PHC3: variants seen among roughly 807,000 people sequenced by gnomAD.
PHC3 encodes the protein polyhomeotic-like protein 3.
A neutral mutation model predicts 107.4 loss-of-function variants in PHC3; 13 were observed. That is an observed-to-expected ratio of 0.12 (90% confidence interval 0.08 to 0.19). The LOEUF (loss-of-function observed/expected upper bound fraction) is 0.19, where lower values mean the gene tolerates loss of function less well. PHC3 is among the 10% of genes least tolerant of loss of function. The pLI, the probability that PHC3 is intolerant of heterozygous loss-of-function variation, is 1.00. For synonymous variants in PHC3, 456 were observed against 427.4 expected, an observed-to-expected ratio of 1.07 and a Z score of -0.83; for missense variants, 992 against 1,210.9, an observed-to-expected ratio of 0.82 and a Z score of 2.68.
At chr3:170,135,771 AT>A (rs993150158) in intron 7 of PHC3, among the ~76,000 whole-genome samples, 21 of 152,330 alleles carry the variant, frequency 1.4e-4, no homozygotes, top group African/African-American at 4.3e-4. Flanking sequence ...ACAAAATTCA[AT>A]CCTGAGAAAT....
intron 4 of PHC3, among the ~76,000 whole-genome samples, chr3:170,156,548 G>A (rs1349378964): frequency 2.1e-5 from 3 of 144,572 alleles, no homozygotes; most frequent in Non-Finnish European, 4.6e-5. Flanking sequence ...CATCGCACCC[G>A]GACTTTTAAG....
At chr3:170,167,224 C>T (rs927321565) in intron 4 of PHC3, among the ~76,000 whole-genome samples, 2 of 152,134 alleles carry the variant, frequency 1.3e-5, no homozygotes, top group African/African-American at 4.8e-5. Context: ...TCTCAGCTCA[C>T]GGCAGCCTTG....
chr3:170,138,641 G>C (rs1015196072), intron 6 of PHC3, among the ~76,000 whole-genome samples: 4 of 132,908 alleles, frequency 3.0e-5, no homozygotes, highest in Admixed American at 8.9e-5. Context: ...AGTGAGCTGA[G>C]ATCACACCAC....
chr3:170,152,944 G>T (rs967808256), intron 4 of PHC3, among the ~76,000 whole-genome samples: 1 of 152,152 alleles, frequency 6.6e-6, no homozygotes, highest in Non-Finnish European at 1.5e-5. Flanking sequence ...TTACCAGCAT[G>T]AGCCATCGCA....
At chr3:170,126,452 G>A (rs1032536585) in intron 8 of PHC3, among the ~76,000 whole-genome samples, 2 of 146,692 alleles carry the variant, frequency 1.4e-5, no homozygotes, top group African/African-American at 5.0e-5. Flanking sequence ...TAGAAGTGCA[G>A]GAAGCAACAA....
At chr3:170,136,281 A>G (rs1333903830) in intron 7 of PHC3, 138 bp downstream of exon 7, 1 of 1,016,528 alleles carries the variant, frequency 9.8e-7, no homozygotes. Context: ...GCTACACATT[A>G]AGATTAAGTT....
Position 170,149,195 on chromosome 3 carries a change from TGGGAAC to T in PHC3, c.458_463del (p.Arg153_Ser154del), listed in dbSNP as rs1406642696. On this transcript the variant is annotated inframe_deletion, in exon 5 of 15. Transcript: ENST00000495893. ...ACTGCCGCTGGTAGAACTGGAAGCC[TGGGAAC>T]GGCTTATTAACTGTGCAGGTGTAGG... is the stretch of plus-strand genomic sequence containing the variant. The T allele has an allele frequency of 6.2e-7, 1 of 1,613,048 alleles. No homozygotes were observed. The highest frequency in any genetic ancestry group is 8.5e-7 in the Non-Finnish European group (1 of 1,179,800).
intron 4 of PHC3, among the ~76,000 whole-genome samples, chr3:170,158,565 T>G (rs1204116442): frequency 6.6e-6 from 1 of 150,920 alleles, no homozygotes; most frequent in East Asian, 1.9e-4. Context: ...ACCACACCAC[T>G]GCACTCAAGC....
intron 6 of PHC3, among the ~76,000 whole-genome samples, chr3:170,138,983 C>T (rs1354854513): frequency 6.6e-6 from 1 of 151,452 alleles, no homozygotes; most frequent in Non-Finnish European, 1.5e-5. Flanking sequence ...CAGTAAAATC[C>T]CTCTTTCCCT....
intron 11 of PHC3, among the ~76,000 whole-genome samples, chr3:170,108,818 G>C (rs1717068664): frequency 6.6e-6 from 1 of 152,146 alleles, no homozygotes; most frequent in Non-Finnish European, 1.5e-5. Context: ...CCAGGAACAG[G>C]ATATGCTAAA....
At chr3:170,147,272 T>C (rs1019744330) in intron 5 of PHC3, 3 of 152,218 alleles carry the variant, frequency 2.0e-5, no homozygotes, top group Non-Finnish European at 4.4e-5. Context: ...ATACTTTATT[T>C]CAAAATTGTA....
chr3:170,156,472 G>C (rs938264200), intron 4 of PHC3, among the ~76,000 whole-genome samples: 10 of 151,974 alleles, frequency 6.6e-5, no homozygotes, highest in African/African-American at 2.2e-4. Context: ...GCCAGGTCTC[G>C]AACTCCTGAC....
At chr3:170,122,847 A>G in intron 8 of PHC3, 103 bp from the exon 9 acceptor site, 1 of 1,351,538 alleles carries the variant, frequency 7.4e-7, no homozygotes, top group South Asian at 1.5e-5. Flanking sequence ...AAATTTAAAA[A>G]CAAGGCAAAA....
chr3:170,091,820 G>C lies in PHC3; in HGVS notation c.*5410C>G, dbSNP rs1273197212. 6.6e-6 allele frequency: 1 copy of C among 151,928 alleles called. No individual in the cohort carries two copies. Among genetic ancestry groups the C allele is most frequent in the Non-Finnish European group, 1.5e-5 (1 of 67,962 alleles). 9.4% of individuals were successfully genotyped at this position (151,928 alleles called of 1,614,324 possible). ...CATAGTACAATTTTAAAACGGATTA[G>C]GTTCTAAAAACTAATATGTAAAACT... On this transcript the variant is annotated 3_prime_UTR_variant, in exon 15 of 15. Coordinates refer to ENST00000495893, the MANE Select transcript of PHC3 (RefSeq NM_024947.4).
intron 4 of PHC3, among the ~76,000 whole-genome samples, chr3:170,159,859 A>C (rs975387394): frequency 3.3e-5 from 5 of 152,238 alleles, no homozygotes; most frequent in Non-Finnish European, 1.5e-5. Flanking sequence ...TTTTGAAAAA[A>C]GTAATCTTTG....
intron 12 of PHC3, 25 bp downstream of exon 12, chr3:170,106,807 G>C: frequency 1.3e-6 from 2 of 1,560,670 alleles, no homozygotes. Flanking sequence ...TCTGTCCTTT[G>C]GGAAATTCAA....
At chr3:170,111,541 T>A (rs1228678644) in intron 11 of PHC3, among the ~76,000 whole-genome samples, 1 of 152,174 alleles carries the variant, frequency 6.6e-6, no homozygotes, top group Admixed American at 6.5e-5. Context: ...GGCAAAATAA[T>A]GTTGAAATTG....
intron 14 of PHC3, among the ~76,000 whole-genome samples, chr3:170,101,947 T>C (rs1323589971): frequency 6.6e-6 from 1 of 152,168 alleles, no homozygotes; most frequent in Non-Finnish European, 1.5e-5. Context: ...GTTTATTTAT[T>C]GAAAAGAATC....
chr3:170,176,062 C>T (rs1229046781), intron 2 of PHC3, among the ~76,000 whole-genome samples: 1 of 151,144 alleles, frequency 6.6e-6, no homozygotes, highest in Non-Finnish European at 1.5e-5. Flanking sequence ...CCCATCTTTA[C>T]TAAAAATACA....
Sources: gnomAD v4.1 joint callset for allele counts (sites outside exome capture counted in the v4.1 genomes callset) on GRCh38, gnomAD v4.1.1 for gene constraint, MANE v1.5 for transcripts, NCBI Gene and HGNC (gene_info 2026-07-23, HGNC 2026-07-21) for gene names.